KSR2: variants seen among roughly 807,000 people sequenced by gnomAD.
KSR2 encodes the protein kinase suppressor of ras 2.
KSR2 carries 25 observed loss-of-function variants against 107.8 expected under a neutral mutation model. The observed-to-expected ratio is 0.23, with a 90% CI of 0.17 to 0.32. KSR2 has a LOEUF of 0.32. Ranked by LOEUF, KSR2 falls within the 10% of genes least tolerant of loss-of-function variation. KSR2 has a pLI of 1.00. For synonymous variants in KSR2, 480 were observed against 507.0 expected, an observed-to-expected ratio of 0.95 and a Z score of 0.71; for missense variants, 887 against 1,268.9, an observed-to-expected ratio of 0.70 and a Z score of 4.57.
intron 14 of KSR2, among the ~76,000 whole-genome samples, chr12:117,508,271 C>G (rs928470359): frequency 6.6e-6 from 1 of 152,176 alleles, no homozygotes; most frequent in African/African-American, 2.4e-5. Flanking sequence ...ACAGCCTTCC[C>G]ATGCTACTGG....
chr12:117,819,455 T>C (rs995615043), intron 3 of KSR2, among the ~76,000 whole-genome samples: 2 of 152,234 alleles, frequency 1.3e-5, no homozygotes, highest in Admixed American at 1.3e-4. Context: ...AGAACAAGGA[T>C]GCTGGAGGGC....
chr12:117,548,080 G>A (rs1279978155), intron 9 of KSR2, among the ~76,000 whole-genome samples: 1 of 151,938 alleles, frequency 6.6e-6, no homozygotes, highest in Non-Finnish European at 1.5e-5. Flanking sequence ...CTGGGTGACA[G>A]TGAGACTCCA....
At chr12:117,527,180 T>G (rs536392599) in intron 12 of KSR2, 61 bp from the exon 13 acceptor site, 1 of 1,261,160 alleles carries the variant, frequency 7.9e-7, no homozygotes, top group Admixed American at 1.7e-5. Context: ...TATATTGAGT[T>G]TAGCTATGTA....
At chr12:117,870,858 CT>C (rs1205817182) in intron 1 of KSR2, among the ~76,000 whole-genome samples, 1 of 152,126 alleles carries the variant, frequency 6.6e-6, no homozygotes, top group Non-Finnish European at 1.5e-5. Flanking sequence ...TGGCCTTGCC[CT>C]TGAGGCAAAA....
At chr12:117,523,458 AT>A (rs1408011118) in intron 14 of KSR2, among the ~76,000 whole-genome samples, 1 of 152,140 alleles carries the variant, frequency 6.6e-6, no homozygotes, top group Non-Finnish European at 1.5e-5. Flanking sequence ...AAACCAAAGG[AT>A]TGTTTCACAA....
At chr12:117,785,073 C>T (rs372438814) in intron 3 of KSR2, among the ~76,000 whole-genome samples, 5 of 152,264 alleles carry the variant, frequency 3.3e-5, no homozygotes, top group East Asian at 1.9e-4. Flanking sequence ...TCCAAAATTG[C>T]GTGATATGCC....
chr12:117,764,702 G>C (rs928960492), intron 3 of KSR2, among the ~76,000 whole-genome samples: 1 of 152,180 alleles, frequency 6.6e-6, no homozygotes, highest in Non-Finnish European at 1.5e-5. Context: ...GTGAGTAAGA[G>C]AGTCAACGCT....
intron 5 of KSR2, among the ~76,000 whole-genome samples, chr12:117,611,323 T>G (rs977399029): frequency 1.4e-4 from 22 of 152,102 alleles, no homozygotes; most frequent in African/African-American, 5.1e-4. Context: ...AAAGTCACAC[T>G]GGGTGTGGCA....
intron 3 of KSR2, among the ~76,000 whole-genome samples, chr12:117,781,120 T>C (rs1338480641): frequency 1.3e-5 from 2 of 152,138 alleles, no homozygotes; most frequent in East Asian, 1.9e-4. Context: ...GATCTGATGG[T>C]TTTATAAATG....
intron 3 of KSR2, among the ~76,000 whole-genome samples, chr12:117,787,581 C>T (rs930120857): frequency 6.6e-6 from 1 of 151,900 alleles, no homozygotes; most frequent in Non-Finnish European, 1.5e-5. Flanking sequence ...TGCAGTGAGC[C>T]GACACTGCGC....
chr12:117,539,919 A>G lies in KSR2; in HGVS notation c.1519-32T>C, dbSNP rs780914398. ...AGAGAAAACAGGGTAGGAGTCAGGG[A>G]CAGGCAGGGAAGCAGAAACACAGCA... On this transcript the variant is annotated intron_variant, in intron 9 of 19. Coordinates refer to ENST00000339824, the MANE Select transcript of KSR2 (RefSeq NM_173598.6). 3.2e-6 allele frequency: 5 copies of G among 1,568,374 alleles called. No homozygotes were observed. In the South Asian group the frequency reaches 4.7e-5, roughly 15 times the overall value.
At chr12:117,796,122 A>G (rs10219749) in intron 3 of KSR2, among the ~76,000 whole-genome samples, 84,837 of 151,764 alleles carry the variant, frequency 0.56, 24,823 homozygotes, top group East Asian at 0.76. Context: ...GAGATGGGGG[A>G]GTCTCACTAG....
At chr12:117,637,675 GT>G (rs56169273) in intron 5 of KSR2, among the ~76,000 whole-genome samples, 25 of 92,100 alleles carry the variant, frequency 2.7e-4, no homozygotes, top group Non-Finnish European at 4.1e-4. Context: ...TCAGTTTTGG[GT>G]TTTTTTTTTT....
intron 10 of KSR2, among the ~76,000 whole-genome samples, chr12:117,538,159 G>A (rs1876184313): frequency 6.6e-6 from 1 of 151,970 alleles, no homozygotes; most frequent in African/African-American, 2.4e-5. Flanking sequence ...CCCTGGAGAT[G>A]GCGGTGGGAG....
intron 4 of KSR2, among the ~76,000 whole-genome samples, chr12:117,678,846 C>T (rs1885250106): frequency 6.6e-6 from 1 of 152,134 alleles, no homozygotes; most frequent in Non-Finnish European, 1.5e-5. Context: ...TGGTCTTGGA[C>T]AAGTCACTTC....
chr12:117,707,208 A>G lies in KSR2; in HGVS notation c.987-39550T>C, dbSNP rs550689886. ...AATCCACAGAGACAGCAGATTAGAG[A>G]TTGCCAGGGGCTAGTTGGGAGCAGG... On this transcript the variant is annotated intron_variant, in intron 4 of 19. Transcript: ENST00000339824. Among the ~76,000 whole-genome samples, 8 of 152,318 alleles carry G rather than the reference A, an allele frequency of 5.3e-5. No individual in the cohort carries two copies. In the South Asian group the frequency reaches 1.7e-3, roughly 32 times the overall value.
In KSR2 at chr12:117,832,083, G is replaced by C. The variant is rs1341757389; in HGVS notation, c.472+23345C>G. ...GCAGATTACCTGAGGTCAGGAGTTT[G>C]AGACTATCCTGGCCAACATGGTGAA... On this transcript the variant is annotated intron_variant, in intron 3 of 19. Transcript: ENST00000339824. Among the ~76,000 whole-genome samples the C allele has an allele frequency of 2.6e-5, 4 of 152,172 alleles. No individual in the cohort carries two copies. The South Asian group carries it at 6.2e-4, about 24-fold the overall frequency.
At chr12:117,691,197 C>T (rs1261919079) in intron 4 of KSR2, among the ~76,000 whole-genome samples, 5 of 152,150 alleles carry the variant, frequency 3.3e-5, no homozygotes, top group African/African-American at 1.2e-4. Context: ...AACAAAATTG[C>T]TGCATTTTTG....
At chr12:117,858,434 T>C (rs1468236661) in intron 2 of KSR2, among the ~76,000 whole-genome samples, 5 of 151,976 alleles carry the variant, frequency 3.3e-5, no homozygotes, top group African/African-American at 4.8e-5. Flanking sequence ...CGTGGTCTGA[T>C]GTGCATATGC....
Sources: allele counts gnomAD v4.1 joint callset (sites outside exome capture counted in the v4.1 genomes callset), GRCh38; gene constraint gnomAD v4.1.1; transcripts MANE v1.5; gene names NCBI Gene and HGNC (gene_info 2026-07-23, HGNC 2026-07-21).